The following GLIS2 variants were observed in gnomAD, a reference collection of about 807,000 sequenced individuals.
GLIS2 encodes zinc finger protein GLIS2.
In GLIS2, 14 loss-of-function variants were observed where a neutral mutation model predicts 35.6. The ratio of observed to expected loss-of-function variants is 0.39; its 90% CI spans 0.26 to 0.61. The LOEUF (loss-of-function observed/expected upper bound fraction) is 0.61. Ranked by LOEUF, GLIS2 falls within the 20% of genes least tolerant of loss-of-function variation. The probability of loss-of-function intolerance (pLI) is 0.48; values close to 1 mark genes in which losing one functional copy is unlikely to be tolerated. For missense variants in GLIS2, 675 were observed against 713.4 expected, an observed-to-expected ratio of 0.95 and a Z score of 0.61; for synonymous variants, 368 against 325.1, an observed-to-expected ratio of 1.13 and a Z score of -1.42.
At position 4,316,141 on chromosome 16, in the gene GLIS2, C is replaced by T. The variant is rs1233678411; in HGVS notation, c.-180C>T. 6.6e-3 allele frequency among the ~76,000 whole-genome samples: 1 copy of T among 152 alleles called. No individual in the cohort carries two copies. Among genetic ancestry groups the T allele is most frequent in the Non-Finnish European group, 0.015 (1 of 66 alleles). The allele number at this position is 152 out of a possible 152,430, so 0.1% of individuals were successfully genotyped here. A position where few individuals can be genotyped will look rare whatever the true frequency, so the allele number is the denominator to read the frequency against. ...GGCCGTGCCAGGGGAGCCCGCGCCC[C>T]GTGAGGCCTCGCGCCCCGGCCCCCG... On this transcript the variant is annotated 5_prime_UTR_variant, in exon 1 of 7. Transcript: ENST00000433375.
intron 1 of GLIS2, among the ~76,000 whole-genome samples, chr16:4,328,088 TTGCGC>T (rs1173270492): frequency 6.6e-6 from 1 of 152,144 alleles, no homozygotes; most frequent in Non-Finnish European, 1.5e-5. Flanking sequence ...CCGGCGGGCC[TTGCGC>T]TGCGCCCGGG....
In GLIS2 at chr16:4,318,713, C is replaced by A. The variant is rs558140532; in HGVS notation, c.-67+2459C>A. Among the ~76,000 whole-genome samples, 94 of 152,380 alleles carry A rather than the reference C, an allele frequency of 6.2e-4. 1 individual carries two copies. Among genetic ancestry groups the A allele is most frequent in the Non-Finnish European group, 1.0e-3 (70 of 68,040 alleles). ...CTCTCCCCTCCACCCTCCTTCCCGG[C>A]CTGGCCTTGGCCCCGGGCGGTGGGA... is the stretch of plus-strand genomic sequence containing the variant. On this transcript the variant is annotated intron_variant, in intron 1 of 6. Coordinates refer to ENST00000433375, the MANE Select transcript of GLIS2 (RefSeq NM_032575.3).
At position 4,337,857 on chromosome 16, in the gene GLIS2, G is replaced by C; in HGVS notation, c.*333G>C. 1 of 480,504 alleles carries C rather than the reference G, an allele frequency of 2.1e-6. No individual in the cohort carries two copies. 29.8% of individuals were successfully genotyped at this position (480,504 alleles called of 1,614,324 possible). A position where few individuals can be genotyped will look rare whatever the true frequency, so the allele number is the denominator to read the frequency against. Reference sequence around the variant, plus strand: ...CCCACCCTGGCACCTCCCTCACCTAGTGACCACCCATGGCAAGTTGCCCTC... The same window carrying C: ...CCCACCCTGGCACCTCCCTCACCTACTGACCACCCATGGCAAGTTGCCCTC... On this transcript the variant is annotated 3_prime_UTR_variant, in exon 7 of 7. Transcript: ENST00000433375.
intron 1 of GLIS2, among the ~76,000 whole-genome samples, chr16:4,328,907 G>A (rs922807862): frequency 6.6e-6 from 1 of 151,774 alleles, no homozygotes; most frequent in Non-Finnish European, 1.5e-5. Context: ...CTGCCAGTGA[G>A]TGTCCCCGTC....
At chr16:4,323,581 G>C (rs545360378) in intron 1 of GLIS2, among the ~76,000 whole-genome samples, 3 of 152,132 alleles carry the variant, frequency 2.0e-5, no homozygotes, top group East Asian at 1.9e-4. Context: ...TGTGTGTGCC[G>C]GGGCTCCCGG....
At chr16:4,336,439 G>A (rs979103364) in intron 6 of GLIS2, 2 of 587,318 alleles carry the variant, frequency 3.4e-6, no homozygotes, top group Admixed American at 2.9e-5. Flanking sequence ...GAGCCACCGG[G>A]CCCGGCCTCC....
intron 6 of GLIS2, 44 bp from the exon 7 acceptor site, chr16:4,336,681 G>T: frequency 6.5e-7 from 1 of 1,549,032 alleles, no homozygotes. Context: ...ACCCAGGAAG[G>T]GGAGAGACCC....
At chr16:4,317,156 T>C (rs1372312415) in intron 1 of GLIS2, among the ~76,000 whole-genome samples, 1 of 152,142 alleles carries the variant, frequency 6.6e-6, no homozygotes, top group Non-Finnish European at 1.5e-5. Flanking sequence ...TTCAAGGAGT[T>C]GCCCAGCCCT....
In GLIS2 at chr16:4,337,490, G is replaced by C. The variant is rs868038822; in HGVS notation, c.1541G>C (p.Gly514Ala). 6.4e-7 allele frequency: 1 copy of C among 1,565,986 alleles called. No individual in the cohort carries two copies. Among genetic ancestry groups the C allele is most frequent in the Non-Finnish European group, 8.6e-7 (1 of 1,160,542 alleles). The change falls in exon 7 of 7, where the codon GGC becomes GCC. Residue 514 changes from glycine to alanine, a missense_variant. Around this residue, in one of 3 missense-constraint regions of GLIS2, gnomAD observed 317 missense variants for 283.2 expected, o/e 1.12. Transcript: ENST00000433375. ...CCTGGCTGGGTGGTCATCCCGCCGG[G>C]CTCGGTGCTGCTCAAACCGGCTGTG... ...LAPGWVVIPP[G>A]SVLLKPAVVN
At chr16:4,321,427 T>C (rs899294013) in intron 1 of GLIS2, among the ~76,000 whole-genome samples, 12 of 152,296 alleles carry the variant, frequency 7.9e-5, no homozygotes, top group Non-Finnish European at 1.2e-4. Flanking sequence ...AAGGCGGGAA[T>C]GTCTGTCGAG....
At chr16:4,324,976 C>T (rs1276996318) in intron 1 of GLIS2, among the ~76,000 whole-genome samples, 1 of 152,216 alleles carries the variant, frequency 6.6e-6, no homozygotes, top group Non-Finnish European at 1.5e-5. Context: ...TGCCCCTGCC[C>T]GCCAGCCCCT....
At position 4,332,570 on chromosome 16, in the gene GLIS2, G is replaced by A; in HGVS notation, c.172+118G>A. On this transcript the variant is annotated intron_variant, in intron 2 of 6. Coordinates refer to ENST00000433375, the MANE Select transcript of GLIS2 (RefSeq NM_032575.3). This position sits in a 1 kb window ranked among gnomAD's most constrained non-coding sequence, Gnocchi z 5.4. ...AGCCCCTCTCGGCTTCCGGTTCATG[G>A]GAAGCCCGCACGCTTGTCCTTCCAT... The A allele has an allele frequency of 8.3e-7, 1 of 1,212,088 alleles. No individual in the cohort carries two copies. The highest frequency in any genetic ancestry group is 1.2e-6 in the Non-Finnish European group (1 of 857,764). 75.1% of individuals were successfully genotyped at this position (1,212,088 alleles called of 1,614,324 possible).
At chr16:4,321,448 C>T (rs1187508701) in intron 1 of GLIS2, among the ~76,000 whole-genome samples, 4 of 152,230 alleles carry the variant, frequency 2.6e-5, no homozygotes, top group Admixed American at 6.5e-5. Flanking sequence ...TGAATGAATA[C>T]ATGAATGAGA....
intron 1 of GLIS2, chr16:4,324,849 G>C (rs1203317820): frequency 1.3e-5 from 2 of 152,234 alleles, no homozygotes; most frequent in Non-Finnish European, 2.9e-5. Flanking sequence ...GAAGAGACAC[G>C]CAAAGGGAGT....
intron 1 of GLIS2, among the ~76,000 whole-genome samples, 58 bp downstream of exon 1, chr16:4,316,312 GC>G (rs1167073229): frequency 1.5e-5 from 2 of 137,708 alleles, no homozygotes; most frequent in African/African-American, 2.7e-5. Flanking sequence ...GGGGGGGGGG[GC>G]CCGCCTGTCG....
chr16:4,339,026 C>T lies in GLIS2; in HGVS notation c.*1502C>T, dbSNP rs1043094219. 1 of 152,422 alleles carries T rather than the reference C, an allele frequency of 6.6e-6. No individual in the cohort carries two copies. Among genetic ancestry groups the T allele is most frequent in the Non-Finnish European group, 1.5e-5 (1 of 68,172 alleles). The allele number at this position is 152,422 out of a possible 1,614,324, so 9.4% of individuals were successfully genotyped here. On this transcript the variant is annotated 3_prime_UTR_variant, in exon 7 of 7. Coordinates refer to ENST00000433375, the MANE Select transcript of GLIS2 (RefSeq NM_032575.3). ...GGTCCTTAGTGGCCCTGCAGGTCCT[C>T]TGGCAGCTCTGCTGACCCCACCCTC...
intron 1 of GLIS2, chr16:4,326,300 A>G (rs1321619231): frequency 6.6e-6 from 1 of 152,258 alleles, no homozygotes; most frequent in Non-Finnish European, 1.5e-5. Context: ...TGAGAGATGC[A>G]TCTTGAGGCC....
At chr16:4,317,465 C>T (rs1431635599) in intron 1 of GLIS2, among the ~76,000 whole-genome samples, 1 of 152,130 alleles carries the variant, frequency 6.6e-6, no homozygotes, top group Non-Finnish European at 1.5e-5. Context: ...TTCGGAGGGC[C>T]TTCCAGCCCC....
chr16:4,333,390 C>A lies in GLIS2; in HGVS notation c.216C>A (p.Arg72=). Residue 72 remains arginine, a synonymous_variant, in exon 3 of 7, where the codon CGC becomes CGA. Coordinates refer to ENST00000433375, the MANE Select transcript of GLIS2 (RefSeq NM_032575.3). ...NSKFPEKVEG[R]FSAAPLVDLS... is the part of the protein sequence containing the mutation. Reference sequence around the variant, plus strand: ...AGTTCCCCGAGAAGGTGGAGGGACGCTTTTCAGCAGCCCCTCTCGTGGACC... The same window carrying A: ...AGTTCCCCGAGAAGGTGGAGGGACGATTTTCAGCAGCCCCTCTCGTGGACC... The A allele has an allele frequency of 6.2e-7, 1 of 1,613,088 alleles. No individual in the cohort carries two copies. Among genetic ancestry groups the A allele is most frequent in the African/African-American group, 1.3e-5 (1 of 75,006 alleles).
Sources: allele counts gnomAD v4.1 joint callset (sites outside exome capture counted in the v4.1 genomes callset), GRCh38; gene constraint gnomAD v4.1.1; regional missense constraint gnomAD v4.1.1; non-coding constraint Gnocchi (gnomAD v3.1); transcripts MANE v1.5; gene names NCBI Gene and HGNC (gene_info 2026-07-23, HGNC 2026-07-21).